Variants in SH3RF3 observed in about 807,000 individuals in gnomAD.
The protein encoded by SH3RF3 is E3 ubiquitin-protein ligase SH3RF3.
In SH3RF3, 29 loss-of-function variants were observed where a neutral mutation model predicts 66.3. That is an observed-to-expected ratio of 0.44 (90% CI 0.33 to 0.60). The LOEUF is 0.60. Among genes scored for constraint, SH3RF3 ranks in the 20% least tolerant of loss-of-function variants. The pLI is 0.04. For missense variants in SH3RF3, 1,194 were observed against 1,190.9 expected (o/e 1.00, Z -0.04); for synonymous variants, 583 against 532.0 (o/e 1.10, Z -1.32).
At chr2:109,496,117 C>T (rs1679254565) in intron 9 of SH3RF3, among the ~76,000 whole-genome samples, 1 of 152,182 alleles carries the variant, frequency 6.6e-6, no homozygotes, top group Non-Finnish European at 1.5e-5. Context: ...CTGTTTTTGT[C>T]CTATCAGAAC....
At chr2:109,210,032 C>G (rs971526325) in intron 1 of SH3RF3, among the ~76,000 whole-genome samples, 1 of 152,184 alleles carries the variant, frequency 6.6e-6, no homozygotes, top group Non-Finnish European at 1.5e-5. Context: ...AATGACTATT[C>G]TAGGGACCGC....
At chr2:109,171,159 A>T (rs1156581319) in intron 1 of SH3RF3, among the ~76,000 whole-genome samples, 2 of 152,162 alleles carry the variant, frequency 1.3e-5, no homozygotes, top group Non-Finnish European at 2.9e-5. Flanking sequence ...GTTTTGTTTT[A>T]TATATATGTA....
At position 109,203,226 on chromosome 2, in the gene SH3RF3, C is replaced by T. The variant is rs143914036; in HGVS notation, c.573+73113C>T. On this transcript the variant is annotated intron_variant, in intron 1 of 9. Transcript: ENST00000309415. Reference sequence around the variant, plus strand: ...GGACCCTGCAGAGAGCCAGGAGCCTCTTCAGAGAGCCCCAGGGCAGCATCA... The same window carrying T: ...GGACCCTGCAGAGAGCCAGGAGCCTTTTCAGAGAGCCCCAGGGCAGCATCA... Among the ~76,000 whole-genome samples, 728 of 152,300 alleles carry T rather than the reference C, an allele frequency of 4.8e-3. 4 individuals carry two copies. The highest frequency in any genetic ancestry group is 8.9e-3 in the Non-Finnish European group (606 of 68,012).
intron 1 of SH3RF3, among the ~76,000 whole-genome samples, chr2:109,184,937 C>A (rs1239971095): frequency 1.3e-5 from 2 of 152,158 alleles, no homozygotes; most frequent in Non-Finnish European, 2.9e-5. Flanking sequence ...TATACATTTT[C>A]CATTTATTTC....
At chr2:109,179,915 C>T (rs767338134) in intron 1 of SH3RF3, among the ~76,000 whole-genome samples, 14 of 152,080 alleles carry the variant, frequency 9.2e-5, no homozygotes, top group African/African-American at 2.2e-4. Flanking sequence ...AAGTCACTGA[C>T]GAAAGAACTA....
intron 8 of SH3RF3, among the ~76,000 whole-genome samples, chr2:109,474,498 G>A (rs35701215): frequency 0.28 from 42,871 of 152,044 alleles, 6,623 homozygotes; most frequent in East Asian, 0.41. Flanking sequence ...GGGGACAGGC[G>A]GCAGCAGTGG....
intron 1 of SH3RF3, among the ~76,000 whole-genome samples, chr2:109,273,461 G>A (rs922617182): frequency 6.6e-6 from 1 of 152,194 alleles, no homozygotes; most frequent in Admixed American, 6.5e-5. Context: ...GGCGGAGGAG[G>A]GGAGAAGGGA....
chr2:109,255,414 A>G (rs140030059), intron 1 of SH3RF3, among the ~76,000 whole-genome samples: 38 of 152,272 alleles, frequency 2.5e-4, no homozygotes, highest in East Asian at 2.1e-3. Flanking sequence ...GTTGTTCTCA[A>G]TGATCAGTAT....
chr2:109,278,236 G>A (rs1297888714), intron 1 of SH3RF3, among the ~76,000 whole-genome samples: 1 of 152,088 alleles, frequency 6.6e-6, no homozygotes, highest in East Asian at 1.9e-4. Context: ...ACTCCTTTGT[G>A]GAGGATGTTT....
intron 1 of SH3RF3, among the ~76,000 whole-genome samples, chr2:109,264,962 AC>A (rs1431122085): frequency 6.6e-6 from 1 of 151,998 alleles, no homozygotes; most frequent in Admixed American, 6.6e-5. Context: ...TGGCAGGGGG[AC>A]TAGGGAACAT....
At chr2:109,221,779 C>T (rs548515640) in intron 1 of SH3RF3, among the ~76,000 whole-genome samples, 1 of 152,102 alleles carries the variant, frequency 6.6e-6, no homozygotes, top group African/African-American at 2.4e-5. Flanking sequence ...AAGGCAGCCA[C>T]TATGGAAACC....
chr2:109,449,524 A>T, intron 8 of SH3RF3, 35 bp downstream of exon 8: 2 of 1,600,638 alleles, frequency 1.2e-6, no homozygotes, highest in Middle Eastern at 1.7e-4. Context: ...CCTGGGCTCG[A>T]GGCCAGCTGC....
At chr2:109,244,230 C>T (rs147098224) in intron 1 of SH3RF3, among the ~76,000 whole-genome samples, 1 of 152,160 alleles carries the variant, frequency 6.6e-6, no homozygotes, top group East Asian at 1.9e-4. Flanking sequence ...TAAAACATGA[C>T]GGGGGCATAA....
At chr2:109,167,047 G>A (rs1006225027) in intron 1 of SH3RF3, among the ~76,000 whole-genome samples, 1 of 152,190 alleles carries the variant, frequency 6.6e-6, no homozygotes, top group Non-Finnish European at 1.5e-5. Flanking sequence ...GTGTCCCGTG[G>A]GAATACCATG....
At chr2:109,351,255 CTTGG>C (rs1331582392) in intron 2 of SH3RF3, among the ~76,000 whole-genome samples, 5 of 152,190 alleles carry the variant, frequency 3.3e-5, no homozygotes, top group African/African-American at 1.2e-4. Context: ...AGGGGCTGGC[CTTGG>C]CAGGGCCTTG....
intron 1 of SH3RF3, among the ~76,000 whole-genome samples, chr2:109,307,496 A>C (rs1020827698): frequency 6.7e-6 from 1 of 149,682 alleles, no homozygotes; most frequent in Non-Finnish European, 1.5e-5. Flanking sequence ...ATATGTATAC[A>C]TGTGCCATGC....
intron 4 of SH3RF3, among the ~76,000 whole-genome samples, chr2:109,408,968 CA>C (rs1676520371): frequency 6.6e-6 from 1 of 152,168 alleles, no homozygotes; most frequent in Non-Finnish European, 1.5e-5. Context: ...AGAAAGGCTC[CA>C]GGGCAAGATA....
In SH3RF3 at chr2:109,197,169, C is replaced by T. The variant is rs141509240; in HGVS notation, c.573+67056C>T. Among the ~76,000 whole-genome samples the T allele has an allele frequency of 2.6e-3, 391 of 152,308 alleles. 3 individuals carry two copies. The highest frequency in any genetic ancestry group is 8.7e-3 in the African/African-American group (361 of 41,560). On this transcript the variant is annotated intron_variant, in intron 1 of 9. Transcript: ENST00000309415. The stretch of plus-strand genomic sequence containing the variant: ...CTCCTGAGCTCCTGCTGCAGCCCTG[C>T]GGCCCAGGAAGGCGGTAGTCTTGTT...
intron 2 of SH3RF3, among the ~76,000 whole-genome samples, chr2:109,354,122 T>A (rs1411958114): frequency 6.6e-6 from 1 of 152,216 alleles, no homozygotes; most frequent in Non-Finnish European, 1.5e-5. Context: ...GGGTTATTTC[T>A]GCACCAAAAG....
Sources: allele counts gnomAD v4.1 joint callset (sites outside exome capture counted in the v4.1 genomes callset), GRCh38; gene constraint gnomAD v4.1.1; transcripts MANE v1.5; gene names NCBI Gene and HGNC (gene_info 2026-07-23, HGNC 2026-07-21).